The following GNG7 variants were observed in gnomAD, a reference collection of about 807,000 sequenced individuals.
GNG7 encodes G protein subunit gamma 7, also known as guanine nucleotide-binding protein G(I)/G(S)/G(O) subunit gamma-7.
Under a neutral mutation model 4.0 loss-of-function variants are expected in GNG7, and 1 was observed. That is an observed-to-expected ratio of 0.25 (90% CI 0.09 to 1.18). The LOEUF is 1.18. Ranked by LOEUF, GNG7 falls within the 50% of genes most tolerant of loss-of-function variation. The pLI, the probability that GNG7 is intolerant of heterozygous loss-of-function variation, is 0.50. For missense variants in GNG7, 86 were observed against 91.9 expected (o/e 0.94, Z 0.26); for synonymous variants, 34 against 36.9 (o/e 0.92, Z 0.29).
chr19:2,515,262 G>C, intron 4 of GNG7, 115 bp from the exon 5 acceptor site: 3 of 1,328,952 alleles, frequency 2.3e-6, no homozygotes, highest in Non-Finnish European at 3.1e-6. Flanking sequence ...GGAGCCCATT[G>C]ATGGGGGCGT....
At chr19:2,560,603 C>CT (rs1447580864) in intron 2 of GNG7, among the ~76,000 whole-genome samples, 7 of 152,118 alleles carry the variant, frequency 4.6e-5, no homozygotes, top group African/African-American at 1.7e-4. Context: ...CAGGACGGCC[C>CT]TGCTCCAGAG....
At chr19:2,692,642 A>G (rs1913161856) in intron 1 of GNG7, among the ~76,000 whole-genome samples, 1 of 150,264 alleles carries the variant, frequency 6.7e-6, no homozygotes, top group African/African-American at 2.5e-5. Context: ...CTCGAAAAAA[A>G]AAAAAAAGAA....
intron 2 of GNG7, among the ~76,000 whole-genome samples, chr19:2,573,702 G>A (rs1458893329): frequency 6.6e-6 from 1 of 152,066 alleles, no homozygotes; most frequent in Non-Finnish European, 1.5e-5. Flanking sequence ...AATTAGCCAG[G>A]CGTGGTCGTG....
chr19:2,598,286 G>T (rs890007827), intron 2 of GNG7, among the ~76,000 whole-genome samples: 1 of 152,208 alleles, frequency 6.6e-6, no homozygotes, highest in Non-Finnish European at 1.5e-5. Flanking sequence ...CACTTTGGGA[G>T]GCCAAGGTGG....
chr19:2,581,668 G>A (rs1980509418), intron 2 of GNG7, among the ~76,000 whole-genome samples: 1 of 152,196 alleles, frequency 6.6e-6, no homozygotes, highest in Non-Finnish European at 1.5e-5. Flanking sequence ...ACTGTGACAT[G>A]TTCCTCAACA....
chr19:2,645,086 G>A (rs891718890), intron 2 of GNG7, among the ~76,000 whole-genome samples: 25 of 152,104 alleles, frequency 1.6e-4, no homozygotes, highest in South Asian at 6.2e-4. Context: ...ATACTTCAGG[G>A]CCGGGTGCAA....
At chr19:2,547,308 T>G (rs8107908) in intron 3 of GNG7, among the ~76,000 whole-genome samples, 28,078 of 151,848 alleles carry the variant, frequency 0.18, 2,651 homozygotes, top group African/African-American at 0.23. Context: ...GCCTCACTGG[T>G]TTAAAATCAA....
rs1030021376 is a variant in GNG7, at chr19:2,633,445, CTGTT to C, written c.-78+12775_-78+12778del. 1.3e-4 allele frequency among the ~76,000 whole-genome samples: 20 copies of C among 151,690 alleles called. No homozygotes were observed. Among genetic ancestry groups the C allele is most frequent in the African/African-American group, 4.9e-4 (20 of 41,234 alleles). On this transcript the variant is annotated intron_variant, in intron 2 of 4. Transcript: ENST00000382159. This position sits in a 1 kb window ranked among gnomAD's most constrained non-coding sequence, Gnocchi z 5.9. ...CATCCCTCGTTCTGTGGGAGGCTGA[CTGTT>C]CAAGCGGTTGCTTAGCAACAGGCGC...
In GNG7 at chr19:2,623,841, G is replaced by A. The variant is rs1171476124; in HGVS notation, c.-78+22383C>T. 2.6e-5 allele frequency among the ~76,000 whole-genome samples: 4 copies of A among 151,446 alleles called. No individual in the cohort carries two copies. In the East Asian group the frequency reaches 5.9e-4, roughly 22 times the overall value. On this transcript the variant is annotated intron_variant, in intron 2 of 4. Transcript: ENST00000382159. Reference sequence around the variant, plus strand: ...GGTTGCAGTGAGCCGAGGTCGCACCGCTGCACTCCAGCCTGGGCCACAGAG... The same window carrying A: ...GGTTGCAGTGAGCCGAGGTCGCACCACTGCACTCCAGCCTGGGCCACAGAG...
chr19:2,628,424 A>C (rs1982072761), intron 2 of GNG7, among the ~76,000 whole-genome samples: 1 of 151,670 alleles, frequency 6.6e-6, no homozygotes, highest in Non-Finnish European at 1.5e-5. Context: ...TGCCACATGG[A>C]CCCTCCACAG....
At chr19:2,680,165 TGAGACAGAGTCTC>T (rs1983695492) in intron 1 of GNG7, among the ~76,000 whole-genome samples, 1 of 144,356 alleles carries the variant, frequency 6.9e-6, no homozygotes, top group African/African-American at 2.7e-5. Flanking sequence ...TTTTTTTTTT[TGAGACAGAGTCTC>T]GCTCTGTTGC....
chr19:2,570,944 C>A (rs947611707), intron 2 of GNG7, among the ~76,000 whole-genome samples: 1 of 150,136 alleles, frequency 6.7e-6, no homozygotes, highest in Non-Finnish European at 1.5e-5. Flanking sequence ...ATTACATGTG[C>A]ACGCCACCAC....
rs967289168 is a variant in GNG7 at position 2,626,040 on chromosome 19, G to C, written c.-78+20184C>G. Reference sequence around the variant, plus strand: ...TGACCTCAGGTGATCCACCCGCCTCGGCCTCCCAAAGTGCTGGGATGACAG... The same window carrying C: ...TGACCTCAGGTGATCCACCCGCCTCCGCCTCCCAAAGTGCTGGGATGACAG... On this transcript the variant is annotated intron_variant, in intron 2 of 4. Transcript: ENST00000382159. This position sits in a 1 kb window ranked among gnomAD's most constrained non-coding sequence, Gnocchi z 5.0. 2.0e-5 allele frequency among the ~76,000 whole-genome samples: 3 copies of C among 152,058 alleles called. No individual in the cohort carries two copies. The highest frequency in any genetic ancestry group is 4.4e-5 in the Non-Finnish European group (3 of 68,000).
At chr19:2,651,577 T>C (rs559986334) in intron 1 of GNG7, among the ~76,000 whole-genome samples, 42 of 143,774 alleles carry the variant, frequency 2.9e-4, no homozygotes, top group African/African-American at 5.2e-4. Context: ...CTCTCTCTCT[T>C]TTTTTTTTAA....
chr19:2,596,726 C>T (rs1308313944), intron 2 of GNG7, among the ~76,000 whole-genome samples: 1 of 149,308 alleles, frequency 6.7e-6, no homozygotes, highest in Non-Finnish European at 1.5e-5. Flanking sequence ...TCACGTTCTG[C>T]ACTGATGATC....
intron 1 of GNG7, among the ~76,000 whole-genome samples, chr19:2,674,314 C>A (rs1346624305): frequency 6.6e-6 from 1 of 152,202 alleles, no homozygotes; most frequent in African/African-American, 2.4e-5. Flanking sequence ...TGGAAATACA[C>A]ACAATTGTAT....
rs1555694373 is a variant in GNG7 at position 2,567,331 on chromosome 19, T to TTGTGTGTGTATG, written c.-77-12144_-77-12143insCATACACACACA. ...TTATTTCTTCTCAGTTGTCGTCGAT[T>TTGTGTGTGTATG]TGTGTGTGTGTGTGTGTGTGACATA... On this transcript the variant is annotated intron_variant, in intron 2 of 4. Transcript: ENST00000382159. 2.2e-5 allele frequency among the ~76,000 whole-genome samples: 3 copies of TTGTGTGTGTATG among 137,172 alleles called. 1 individual carries two copies. The highest frequency in any genetic ancestry group is 4.6e-5 in the Non-Finnish European group (3 of 65,894). 90.0% of individuals were successfully genotyped at this position (137,172 alleles called of 152,430 possible).
chr19:2,697,776 G>A (rs1913303544), intron 1 of GNG7, among the ~76,000 whole-genome samples: 2 of 146,702 alleles, frequency 1.4e-5, no homozygotes, highest in Non-Finnish European at 3.0e-5. Flanking sequence ...CCAACATGGT[G>A]AGGGCCCCGT....
intron 2 of GNG7, among the ~76,000 whole-genome samples, chr19:2,597,043 G>C (rs1981043851): frequency 6.6e-6 from 1 of 152,016 alleles, no homozygotes; most frequent in Admixed American, 6.6e-5. Flanking sequence ...AAGATCACTT[G>C]AGGCCAGGAG....
Sources: allele counts gnomAD v4.1 joint callset (sites outside exome capture counted in the v4.1 genomes callset), GRCh38; gene constraint gnomAD v4.1.1; non-coding constraint Gnocchi (gnomAD v3.1); transcripts MANE v1.5; gene names NCBI Gene and HGNC (gene_info 2026-07-23, HGNC 2026-07-21).